Variants in TANC2 observed in about 807,000 individuals in gnomAD.
The protein encoded by TANC2 is protein TANC2.
In TANC2, 26 loss-of-function variants were observed where a neutral mutation model predicts 210.5. The observed-to-expected ratio is 0.12, with a 90% CI of 0.09 to 0.17. The LOEUF (loss-of-function observed/expected upper bound fraction) is 0.17, where lower values mean the gene tolerates loss of function less well. Among genes scored for constraint, TANC2 ranks in the 10% least tolerant of loss-of-function variants. The probability of loss-of-function intolerance (pLI) is 1.00; values close to 1 mark genes in which losing one functional copy is unlikely to be tolerated. For synonymous variants in TANC2, 931 were observed against 967.1 expected, an observed-to-expected ratio of 0.96 and a Z score of 0.69; for missense variants, 2,129 against 2,608.9, an observed-to-expected ratio of 0.82 and a Z score of 4.01.
chr17:63,074,138 G>T, intron 3 of TANC2, 124 bp downstream of exon 3: 4 of 577,618 alleles, frequency 6.9e-6, no homozygotes, highest in Non-Finnish European at 1.1e-5. Context: ...TTCTCATTTA[G>T]GATTTAAATG....
At chr17:63,309,390 A>AT (rs1187363477) in intron 9 of TANC2, among the ~76,000 whole-genome samples, 1 of 151,902 alleles carries the variant, frequency 6.6e-6, no homozygotes, top group African/African-American at 2.4e-5. Context: ...AAAAAACCGT[A>AT]TTTTTTTCTA....
At chr17:63,032,043 G>GTAGT (rs1362350787) in intron 2 of TANC2, among the ~76,000 whole-genome samples, 1 of 152,154 alleles carries the variant, frequency 6.6e-6, no homozygotes, top group Non-Finnish European at 1.5e-5. Context: ...CTATATATAG[G>GTAGT]TAGTTTGGTA....
chr17:63,278,390 T>C (rs1366122582), intron 9 of TANC2, among the ~76,000 whole-genome samples: 1 of 152,028 alleles, frequency 6.6e-6, no homozygotes, highest in Admixed American at 6.6e-5. Flanking sequence ...ATATCACTTA[T>C]TGTCAGGGAA....
At chr17:62,990,517 C>T (rs887853036) in intron 1 of TANC2, among the ~76,000 whole-genome samples, 22 of 152,072 alleles carry the variant, frequency 1.4e-4, no homozygotes, top group Middle Eastern at 3.4e-3. Flanking sequence ...ACTCCTAGCT[C>T]GAGTGATCTT....
intron 11 of TANC2, among the ~76,000 whole-genome samples, chr17:63,338,200 C>G (rs548252459): frequency 1.3e-5 from 2 of 152,278 alleles, no homozygotes; most frequent in African/African-American, 4.8e-5. Context: ...CTACACTTTT[C>G]AACAATGATT....
chr17:63,407,061 ACCT>A (rs1396697006), intron 21 of TANC2, among the ~76,000 whole-genome samples: 1 of 152,208 alleles, frequency 6.6e-6, no homozygotes, highest in Admixed American at 6.5e-5. Flanking sequence ...AAGAAAACCA[ACCT>A]CCTGAAGAAT....
chr17:63,163,315 G>A (rs2040092094), intron 5 of TANC2, among the ~76,000 whole-genome samples: 1 of 152,140 alleles, frequency 6.6e-6, no homozygotes, highest in Admixed American at 6.5e-5. Context: ...AAAGAGGATT[G>A]GGGAATGAGA....
intron 11 of TANC2, chr17:63,332,216 T>G: frequency 2.7e-6 from 1 of 365,900 alleles, no homozygotes; most frequent in Non-Finnish European, 5.3e-6. Context: ...CTGGGAATTT[T>G]GGCTATAATA....
chr17:63,245,203 T>C (rs1294474321), intron 8 of TANC2, among the ~76,000 whole-genome samples: 3 of 152,216 alleles, frequency 2.0e-5, no homozygotes, highest in Non-Finnish European at 4.4e-5. Context: ...TGTCTTGTTC[T>C]TAATGCCTCA....
chr17:63,283,254 C>T (rs865965293), intron 9 of TANC2, among the ~76,000 whole-genome samples: 5 of 151,766 alleles, frequency 3.3e-5, no homozygotes, highest in Admixed American at 6.6e-5. Context: ...CCTTTTGTAC[C>T]TTTGTTAAAA....
chr17:63,267,792 C>A, exon 9 of TANC2: 1 of 1,613,016 alleles, frequency 6.2e-7, no homozygotes, highest in Non-Finnish European at 8.5e-7. Flanking sequence ...CCTGGATGAG[C>A]AGAGACATAC....
In TANC2 at chr17:63,147,306, C is replaced by A. The variant is rs185636514; in HGVS notation, c.323-3964C>A. 1.3e-3 allele frequency among the ~76,000 whole-genome samples: 194 copies of A among 152,096 alleles called. 1 individual carries two copies. The highest frequency in any genetic ancestry group is 4.1e-3 in the African/African-American group (169 of 41,484). On this transcript the variant is annotated intron_variant, in intron 4 of 27. Transcript: ENST00000689528. ...TGCAGGTTGCAGTGACCTGAGATCA[C>A]ACCACTGCACTCTCGCCTGGGCAAC...
At chr17:63,115,916 C>G (rs936921821) in intron 4 of TANC2, among the ~76,000 whole-genome samples, 3 of 152,158 alleles carry the variant, frequency 2.0e-5, no homozygotes, top group Admixed American at 2.0e-4. Flanking sequence ...TAGTCAAATG[C>G]ATGTCCATCC....
chr17:63,015,026 C>T (rs1190821349), intron 2 of TANC2, among the ~76,000 whole-genome samples: 1 of 151,838 alleles, frequency 6.6e-6, no homozygotes, highest in Non-Finnish European at 1.5e-5. Context: ...TTTATTATTA[C>T]AGTTTTTTTC....
intron 6 of TANC2, among the ~76,000 whole-genome samples, chr17:63,199,804 A>G (rs2041467525): frequency 6.6e-6 from 1 of 152,232 alleles, no homozygotes; most frequent in Non-Finnish European, 1.5e-5. Context: ...AAACTTAAAA[A>G]GTAAATAGCT....
intron 1 of TANC2, among the ~76,000 whole-genome samples, chr17:62,999,956 C>G (rs911807600): frequency 6.6e-6 from 1 of 152,196 alleles, no homozygotes; most frequent in Non-Finnish European, 1.5e-5. Context: ...GAGCTGGAGG[C>G]CATTATCCTA....
At chr17:62,967,075 T>G (rs2031387943) in intron 1 of TANC2, 1 of 152,190 alleles carries the variant, frequency 6.6e-6, no homozygotes, top group African/African-American at 2.4e-5. Flanking sequence ...CAGAACGAGT[T>G]GCAAAATGTG....
intron 9 of TANC2, among the ~76,000 whole-genome samples, chr17:63,309,173 GTGTA>G (rs1334872337): frequency 6.6e-6 from 1 of 152,004 alleles, no homozygotes; most frequent in Admixed American, 6.6e-5. Context: ...ATGTGAGTGT[GTGTA>G]TGTATGTATG....
intron 1 of TANC2, among the ~76,000 whole-genome samples, chr17:62,979,012 G>T (rs62076588): frequency 3.9e-4 from 59 of 152,212 alleles, no homozygotes; most frequent in Non-Finnish European, 4.3e-4. Flanking sequence ...CTTTTATCTT[G>T]ATTAGTGAAA....
Sources: allele counts gnomAD v4.1 joint callset (sites outside exome capture counted in the v4.1 genomes callset), GRCh38; gene constraint gnomAD v4.1.1; transcripts MANE v1.5; gene names NCBI Gene and HGNC (gene_info 2026-07-23, HGNC 2026-07-21).